Variants in SLC8A1 observed in about 807,000 individuals in gnomAD.
SLC8A1 encodes solute carrier family 8 member A1, also known as sodium/calcium exchanger 1.
Under a neutral mutation model 68.3 loss-of-function variants are expected in SLC8A1, and 18 were observed. The observed-to-expected ratio is 0.26, with a 90% CI of 0.18 to 0.39. The LOEUF (loss-of-function observed/expected upper bound fraction) is 0.39. SLC8A1 is among the 10% of genes least tolerant of loss of function. The pLI is 1.00. For synonymous variants in SLC8A1, 475 were observed against 415.5 expected (o/e 1.14, Z -1.74); for missense variants, 985 against 1,156.7 (o/e 0.85, Z 2.15).
chr2:40,422,226 G>A (rs898296089), intron 2 of SLC8A1, among the ~76,000 whole-genome samples: 1 of 152,128 alleles, frequency 6.6e-6, no homozygotes, highest in Admixed American at 6.6e-5. Flanking sequence ...GAGTTTCATG[G>A]CATTTATACT....
At chr2:40,367,045 G>A (rs891572177) in intron 2 of SLC8A1, among the ~76,000 whole-genome samples, 3 of 151,916 alleles carry the variant, frequency 2.0e-5, no homozygotes, top group Non-Finnish European at 4.4e-5. Flanking sequence ...TCAAAAAAAT[G>A]AATTACTGAG....
chr2:40,423,645 G>C (rs1696100740), intron 2 of SLC8A1, among the ~76,000 whole-genome samples: 1 of 151,884 alleles, frequency 6.6e-6, no homozygotes, highest in African/African-American at 2.4e-5. Context: ...TTTACATAAT[G>C]ATATTATAAC....
intron 1 of SLC8A1, among the ~76,000 whole-genome samples, chr2:40,431,467 G>A (rs1476129767): frequency 6.6e-6 from 1 of 152,062 alleles, no homozygotes; most frequent in African/African-American, 2.4e-5. Flanking sequence ...GGTAGGCATA[G>A]CAGTGGACTC....
intron 1 of SLC8A1, among the ~76,000 whole-genome samples, chr2:40,462,045 C>T (rs1289271723): frequency 5.2e-5 from 4 of 77,586 alleles, no homozygotes; most frequent in Non-Finnish European, 1.0e-4. Flanking sequence ...CTCACTCTGT[C>T]GCCCAGGCTG....
chr2:40,448,723 G>C (rs1701896380), intron 1 of SLC8A1, among the ~76,000 whole-genome samples: 1 of 152,112 alleles, frequency 6.6e-6, no homozygotes, highest in Admixed American at 6.5e-5. Context: ...TTTGGTAGGG[G>C]TTATGATGAG....
chr2:40,178,279 G>A (rs2048839806), intron 2 of SLC8A1, 108 bp downstream of exon 3: 1 of 835,930 alleles, frequency 1.2e-6, no homozygotes, highest in Admixed American at 1.9e-5. Context: ...CTGTTACATA[G>A]GTGGAGGGAT....
chr2:40,464,900 A>C (rs896535172), intron 1 of SLC8A1, among the ~76,000 whole-genome samples: 1 of 152,146 alleles, frequency 6.6e-6, no homozygotes, highest in Non-Finnish European at 1.5e-5. Flanking sequence ...TGATTAGATA[A>C]TAAATGAGAT....
chr2:40,242,851 C>T (rs557271926), intron 2 of SLC8A1, among the ~76,000 whole-genome samples: 6 of 152,282 alleles, frequency 3.9e-5, no homozygotes, highest in East Asian at 3.9e-4. Context: ...GTTAGTCAGA[C>T]GAGAAAGACA....
At chr2:40,293,844 C>CA (rs139640404) in intron 2 of SLC8A1, among the ~76,000 whole-genome samples, 6,457 of 151,538 alleles carry the variant, frequency 0.043, 459 homozygotes, top group African/African-American at 0.15. Context: ...TCATAAAAAA[C>CA]AAAAAAAATC....
At chr2:40,324,052 C>T (rs1341000378) in intron 2 of SLC8A1, among the ~76,000 whole-genome samples, 1 of 151,210 alleles carries the variant, frequency 6.6e-6, no homozygotes, top group African/African-American at 2.4e-5. Flanking sequence ...TTAACAATTA[C>T]AGTATGTGTA....
rs1473212835 is a variant in SLC8A1, at chr2:40,200,197, T to A, written c.1809-22342A>T. On this transcript the variant is annotated intron_variant, in intron 2 of 7. Transcript: ENST00000406785. ...TGATATATATATATATATATTTATA[T>A]ATATATATAAATATATATATATTTT... Among the ~76,000 whole-genome samples the A allele has an allele frequency of 1.2e-4, 3 of 24,464 alleles. 1 individual carries two copies. The highest frequency in any genetic ancestry group is 2.1e-4 in the Non-Finnish European group (3 of 14,448). 16.0% of individuals were successfully genotyped at this position (24,464 alleles called of 152,430 possible).
At position 40,167,365 on chromosome 2, in the gene SLC8A1, ACTTT is replaced by A. The variant is rs543606993; in HGVS notation, c.1931-2385_1931-2382del. ...TCCATTGTAAAAATTTTTTAATTTT[ACTTT>A]CTATTTGTGGCAAACGATACTAGTT... is the stretch of plus-strand genomic sequence containing the variant. On this transcript the variant is annotated intron_variant, in intron 4 of 7. Transcript: ENST00000406785. Among the ~76,000 whole-genome samples, 12 of 152,306 alleles carry A rather than the reference ACTTT, an allele frequency of 7.9e-5. No homozygotes were observed. The South Asian group carries it at 2.1e-3, about 26-fold the overall frequency.
At chr2:40,407,706 G>C (rs774858055) in intron 2 of SLC8A1, among the ~76,000 whole-genome samples, 3 of 152,080 alleles carry the variant, frequency 2.0e-5, no homozygotes, top group African/African-American at 2.4e-5. Context: ...CCTCTATCTT[G>C]TTTACCCTTA....
chr2:40,368,185 A>G (rs148732187), intron 2 of SLC8A1, among the ~76,000 whole-genome samples: 11 of 152,064 alleles, frequency 7.2e-5, no homozygotes, highest in Non-Finnish European at 1.3e-4. Context: ...AGGACCACTC[A>G]TGGTTTGATG....
At chr2:40,155,721 C>T (rs1036808114) in intron 6 of SLC8A1, among the ~76,000 whole-genome samples, 17 of 152,138 alleles carry the variant, frequency 1.1e-4, no homozygotes, top group African/African-American at 4.1e-4. Flanking sequence ...TATTAATCCA[C>T]AAAGCATGCA....
chr2:40,190,430 A>G (rs1416401512), intron 2 of SLC8A1: 1 of 152,190 alleles, frequency 6.6e-6, no homozygotes, highest in African/African-American at 2.4e-5. Context: ...CACATCTGTT[A>G]TTTGTTTATT....
At chr2:40,247,095 T>C (rs2061982651) in intron 2 of SLC8A1, among the ~76,000 whole-genome samples, 2 of 152,206 alleles carry the variant, frequency 1.3e-5, no homozygotes, top group South Asian at 2.1e-4. Flanking sequence ...ATTAGTATTA[T>C]AGGAGAGTTT....
upstream of SLC8A1, among the ~76,000 whole-genome samples, chr2:40,455,500 T>C (rs1702945739): frequency 6.6e-6 from 1 of 152,198 alleles, no homozygotes; most frequent in South Asian, 2.1e-4. Context: ...TAATCACCTA[T>C]CTGTTCAGTC....
intron 2 of SLC8A1, among the ~76,000 whole-genome samples, chr2:40,278,792 C>A (rs2067117157): frequency 6.6e-6 from 1 of 151,198 alleles, no homozygotes; most frequent in Non-Finnish European, 1.5e-5. Flanking sequence ...ATGAAAAAAA[C>A]AGAAACCCCC....
Sources: gnomAD v4.1 joint callset for allele counts (sites outside exome capture counted in the v4.1 genomes callset) on GRCh38, gnomAD v4.1.1 for gene constraint, MANE v1.5 for transcripts, NCBI Gene and HGNC (gene_info 2026-07-23, HGNC 2026-07-21) for gene names.